Variants in GFOD1 observed in about 807,000 individuals in gnomAD.
GFOD1 encodes glucose-fructose oxidoreductase domain-containing protein 1.
A neutral mutation model predicts 25.4 loss-of-function variants in GFOD1; 9 were observed. The ratio of observed to expected loss-of-function variants is 0.35; its 90% CI spans 0.21 to 0.62. The LOEUF is 0.62. GFOD1 is among the 20% of genes least tolerant of loss of function. The probability of loss-of-function intolerance (pLI) is 0.72; values close to 1 mark genes in which losing one functional copy is unlikely to be tolerated. For missense variants in GFOD1, 403 were observed against 556.9 expected (o/e 0.72, Z 2.78); for synonymous variants, 253 against 245.6 (o/e 1.03, Z -0.28).
At position 13,364,422 on chromosome 6, in the gene GFOD1, AGC is replaced by A; in HGVS notation, c.*319_*320del. ...GTGGGATGGATGAGGTAGGGAGGGA[AGC>A]AACCCCTCCTTGCTTGTCACAGTAA... On this transcript the variant is annotated 3_prime_UTR_variant, in exon 2 of 2. Coordinates refer to ENST00000379287, the MANE Select transcript of GFOD1 (RefSeq NM_018988.4). The surrounding 1 kb of genome is among the most constrained non-coding windows in gnomAD (Gnocchi z 4.1). 2.2e-5 allele frequency: 7 copies of A among 315,500 alleles called. No homozygotes were observed. Among genetic ancestry groups the A allele is most frequent in the South Asian group, 1.0e-4 (2 of 19,386 alleles). The allele number at this position is 315,500 out of a possible 1,614,324, so 19.5% of individuals were successfully genotyped here.
At chr6:13,367,381 C>A (rs998599112) in intron 1 of GFOD1, among the ~76,000 whole-genome samples, 3 of 152,148 alleles carry the variant, frequency 2.0e-5, no homozygotes, top group South Asian at 2.1e-4. Context: ...TGGCAGTGGT[C>A]ACAGATGTGT....
At chr6:13,474,303 T>C (rs769131626) in intron 1 of GFOD1, among the ~76,000 whole-genome samples, 3 of 152,124 alleles carry the variant, frequency 2.0e-5, no homozygotes, top group Non-Finnish European at 4.4e-5. Flanking sequence ...TGCTTGAACC[T>C]GGGAGGCAGA....
At chr6:13,483,575 G>A (rs1758802217) in intron 1 of GFOD1, among the ~76,000 whole-genome samples, 1 of 152,126 alleles carries the variant, frequency 6.6e-6, no homozygotes, top group Admixed American at 6.5e-5. Flanking sequence ...TGGGTGGGGT[G>A]GACTGGAACC....
intron 1 of GFOD1, among the ~76,000 whole-genome samples, chr6:13,485,623 C>T (rs551371723): frequency 3.2e-4 from 48 of 152,242 alleles, no homozygotes; most frequent in Admixed American, 1.4e-3. Flanking sequence ...TCTCTTTCCC[C>T]TGAGCATAGG....
At chr6:13,470,487 C>A in intron 1 of GFOD1, 1 of 1,550,062 alleles carries the variant, frequency 6.5e-7, no homozygotes, top group Non-Finnish European at 8.7e-7. Flanking sequence ...TGGGACTCTC[C>A]AAGAGCAGCA....
intron 1 of GFOD1, among the ~76,000 whole-genome samples, chr6:13,374,269 T>TGTGTGTGTGTGTGTGTG (rs1388428104): frequency 2.5e-5 from 3 of 121,874 alleles, no homozygotes; most frequent in South Asian, 2.5e-4. Context: ...AATATGTTTT[T>TGTGTGTGTGTGTGTGTG]TTTTTGTGTG....
Position 13,486,709 on chromosome 6 carries a change from T to A in GFOD1, c.182A>T (p.His61Leu), listed in dbSNP as rs1758879842. ...AATGCACACCAAGTCCACGTCCTGA[T>A]GCAGCAGCACCTCATCAATGCGGCT... ...YTSRIDEVLL[H>L]QDVDLVCINL... Residue 61 changes from histidine (H) to leucine (L), a missense_variant, in exon 1 of 2, where the codon CAT becomes CTT. Transcript: ENST00000379287. The A allele has an allele frequency of 6.2e-7, 1 of 1,613,994 alleles. No homozygotes were observed. The highest frequency in any genetic ancestry group is 1.1e-5 in the South Asian group (1 of 91,082).
chr6:13,392,891 A>G (rs1361416569), intron 1 of GFOD1, among the ~76,000 whole-genome samples: 4 of 151,104 alleles, frequency 2.6e-5, no homozygotes, highest in Non-Finnish European at 5.9e-5. Flanking sequence ...TGCTGTCCCT[A>G]CAAAAAAAAA....
chr6:13,443,794 C>T (rs1314128750), intron 1 of GFOD1, among the ~76,000 whole-genome samples: 6 of 135,034 alleles, frequency 4.4e-5, no homozygotes, highest in African/African-American at 8.8e-5. Context: ...CCAGCCTGGG[C>T]GACAAGAGCA....
intron 1 of GFOD1, among the ~76,000 whole-genome samples, chr6:13,394,466 A>ATTTTTTTTTTTTTTTTT (rs70989855): frequency 2.6e-5 from 2 of 75,916 alleles, no homozygotes; most frequent in African/African-American, 1.1e-4. Context: ...TACCCTTTGA[A>ATTTTTTTTTTTTTTTTT]TTTTTTTTTT....
At position 13,365,403 on chromosome 6, in the gene GFOD1, G is replaced by A. The variant is rs752428211; in HGVS notation, c.513C>T (p.Gly171=). 3.7e-6 allele frequency: 6 copies of A among 1,613,854 alleles called. No individual in the cohort carries two copies. The highest frequency in any genetic ancestry group is 1.7e-5 in the Admixed American group (1 of 59,994). ...NWSCDDLMGG[G]GLHSVGTYII... ...TGTAGGTGCCCACGGAGTGCAGGCC[G>A]CCGCCGCCCATCAAGTCGTCGCAGC... Residue 171 remains glycine, a synonymous_variant, in exon 2 of 2, where the codon GGC becomes GGT. Coordinates refer to ENST00000379287, the MANE Select transcript of GFOD1 (RefSeq NM_018988.4). This position sits in a 1 kb window ranked among gnomAD's most constrained non-coding sequence, Gnocchi z 9.2.
At chr6:13,459,120 A>C (rs1287316498) in intron 1 of GFOD1, among the ~76,000 whole-genome samples, 6 of 152,192 alleles carry the variant, frequency 3.9e-5, no homozygotes, top group Non-Finnish European at 8.8e-5. Flanking sequence ...TAATGCTGCT[A>C]TCAAAAGAGC....
In GFOD1 at chr6:13,362,305, A is replaced by G. The variant is rs1784958329; in HGVS notation, c.*2438T>C. ...GTGAAACCCCGTCTCTACTAAAAAT[A>G]CAAAAAATTAGCCGGCTGTGGTGGC... On this transcript the variant is annotated 3_prime_UTR_variant, in exon 2 of 2. Coordinates refer to ENST00000379287, the MANE Select transcript of GFOD1 (RefSeq NM_018988.4). 1 of 152,054 alleles carries G rather than the reference A, an allele frequency of 6.6e-6. No individual in the cohort carries two copies. The highest frequency in any genetic ancestry group is 1.9e-4 in the East Asian group (1 of 5,182). The allele number at this position is 152,054 out of a possible 1,614,324, so 9.4% of individuals were successfully genotyped here.
intron 1 of GFOD1, among the ~76,000 whole-genome samples, chr6:13,475,708 A>T (rs1758607122): frequency 2.7e-5 from 4 of 146,874 alleles, no homozygotes; most frequent in Admixed American, 6.8e-5. Flanking sequence ...ACAGTGCAAG[A>T]CTCCATCTCA....
chr6:13,485,973 C>T, intron 1 of GFOD1: 2 of 958,270 alleles, frequency 2.1e-6, no homozygotes, highest in Non-Finnish European at 2.5e-6. Flanking sequence ...CATTCTAATA[C>T]ATCATCACCC....
chr6:13,367,762 A>G (rs1210323556), intron 1 of GFOD1, among the ~76,000 whole-genome samples: 2 of 118,234 alleles, frequency 1.7e-5, no homozygotes, highest in African/African-American at 6.1e-5. Flanking sequence ...GGAGGGCAAG[A>G]AAAAAAAAAA....
intron 1 of GFOD1, among the ~76,000 whole-genome samples, chr6:13,438,030 C>T (rs755885907): frequency 9.2e-5 from 14 of 152,222 alleles, no homozygotes; most frequent in Non-Finnish European, 1.6e-4. Context: ...CACTTTTTAA[C>T]ATGTTATTTC....
At chr6:13,395,360 G>A (rs776939432) in intron 1 of GFOD1, among the ~76,000 whole-genome samples, 2 of 152,168 alleles carry the variant, frequency 1.3e-5, no homozygotes, top group Non-Finnish European at 2.9e-5. Context: ...AGAGGCACTG[G>A]ATCCATGATA....
intron 1 of GFOD1, among the ~76,000 whole-genome samples, chr6:13,385,476 G>A (rs1226030583): frequency 1.3e-5 from 2 of 152,212 alleles, no homozygotes; most frequent in East Asian, 3.9e-4. Flanking sequence ...TTCTGCTGGG[G>A]CTGTGGACAG....
Sources: allele counts gnomAD v4.1 joint callset (sites outside exome capture counted in the v4.1 genomes callset), GRCh38; gene constraint gnomAD v4.1.1; non-coding constraint Gnocchi (gnomAD v3.1); transcripts MANE v1.5; gene names NCBI Gene and HGNC (gene_info 2026-07-23, HGNC 2026-07-21).